The following ADGRL3 variants were observed in gnomAD, a reference collection of about 807,000 sequenced individuals.
ADGRL3 encodes calcium-independent alpha-latrotoxin receptor 3.
A neutral mutation model predicts 153.5 loss-of-function variants in ADGRL3; 62 were observed. The observed-to-expected ratio is 0.40, with a 90% CI of 0.33 to 0.50. The LOEUF is 0.50. ADGRL3 is among the 20% of genes least tolerant of loss of function. ADGRL3 has a pLI of 0.47. For missense variants in ADGRL3, 1,641 were observed against 1,859.4 expected (o/e 0.88, Z 2.16); for synonymous variants, 710 against 672.5 (o/e 1.06, Z -0.86).
intron 1 of ADGRL3, among the ~76,000 whole-genome samples, chr4:61,330,814 C>T (rs903693020): frequency 3.9e-5 from 6 of 152,016 alleles, no homozygotes; most frequent in Non-Finnish European, 2.9e-5. Flanking sequence ...GCTGATTGGC[C>T]CATTTTACAG....
chr4:62,030,874 G>T (rs1329009148), intron 22 of ADGRL3, among the ~76,000 whole-genome samples: 1 of 151,362 alleles, frequency 6.6e-6, no homozygotes, highest in Non-Finnish European at 1.5e-5. Context: ...TATCCCTCAC[G>T]CTTAGTCTTT....
At chr4:61,874,964 G>A (rs1214254727) in intron 9 of ADGRL3, among the ~76,000 whole-genome samples, 2 of 150,534 alleles carry the variant, frequency 1.3e-5, no homozygotes, top group East Asian at 2.0e-4. Context: ...GCCCACCACC[G>A]CGCCCGGCTA....
In ADGRL3 at chr4:61,992,479, G is replaced by T. The variant is rs140109682; in HGVS notation, c.3237-3812G>T. Among the ~76,000 whole-genome samples the T allele has an allele frequency of 1.2e-4, 18 of 152,280 alleles. No individual in the cohort carries two copies. The East Asian group carries it at 2.1e-3, about 18-fold the overall frequency. On this transcript the variant is annotated intron_variant, in intron 19 of 26. Transcript: ENST00000683033. ...TTTTTAAGGTAGTTAATAGGAAGAG[G>T]AGGAAATACAGAAGGCTTTGAGAAA...
chr4:61,527,232 G>T (rs2098570620), intron 4 of ADGRL3, among the ~76,000 whole-genome samples: 2 of 151,800 alleles, frequency 1.3e-5, no homozygotes, highest in African/African-American at 4.8e-5. Flanking sequence ...ATACCATTCT[G>T]TCCATCTAAT....
intron 1 of ADGRL3, among the ~76,000 whole-genome samples, chr4:61,375,711 A>C (rs917007284): frequency 2.6e-5 from 4 of 152,188 alleles, no homozygotes; most frequent in Non-Finnish European, 5.9e-5. Context: ...TGAATTAATT[A>C]ATATGCAATC....
chr4:61,289,387 A>G (rs1034849198), intron 1 of ADGRL3, among the ~76,000 whole-genome samples: 4 of 152,046 alleles, frequency 2.6e-5, no homozygotes, highest in Non-Finnish European at 4.4e-5. Flanking sequence ...AATTCTACCA[A>G]ACATAAATAA....
At chr4:61,402,738 C>G (rs11945614) in intron 2 of ADGRL3, among the ~76,000 whole-genome samples, 45,237 of 151,914 alleles carry the variant, frequency 0.3, 6,889 homozygotes, top group Middle Eastern at 0.38. Flanking sequence ...AGGCTGGCAA[C>G]TGCCAGAAAG....
At chr4:61,366,270 A>G (rs1048189198) in intron 1 of ADGRL3, among the ~76,000 whole-genome samples, 1 of 152,220 alleles carries the variant, frequency 6.6e-6, no homozygotes, top group South Asian at 2.1e-4. Context: ...TGGAACATTT[A>G]AGTGGCAGTA....
chr4:61,760,360 G>T (rs1337295965), intron 8 of ADGRL3, among the ~76,000 whole-genome samples: 1 of 152,030 alleles, frequency 6.6e-6, no homozygotes, highest in Non-Finnish European at 1.5e-5. Context: ...GGCAATGGCG[G>T]GCGCCCCTCC....
chr4:61,290,519 CTG>C, intron 1 of ADGRL3, among the ~76,000 whole-genome samples: 1 of 151,914 alleles, frequency 6.6e-6, no homozygotes, highest in African/African-American at 2.4e-5. Context: ...TGGCTTATGC[CTG>C]TAATCTCAGC....
chr4:62,049,050 C>A (rs2151735532), intron 25 of ADGRL3, among the ~76,000 whole-genome samples: 1 of 152,082 alleles, frequency 6.6e-6, no homozygotes, highest in Non-Finnish European at 1.5e-5. Flanking sequence ...GGCTTTATGT[C>A]ATCACAAATA....
At chr4:61,545,531 C>T (rs111750938) in intron 4 of ADGRL3, among the ~76,000 whole-genome samples, 20 of 152,282 alleles carry the variant, frequency 1.3e-4, no homozygotes, top group African/African-American at 4.6e-4. Flanking sequence ...CCTGTCTCTC[C>T]TTCTCTGAGT....
Position 61,400,233 on chromosome 4 carries a change from T to C in ADGRL3, c.-174+17044T>C, listed in dbSNP as rs190425089. On this transcript the variant is annotated intron_variant, in intron 2 of 26. Coordinates refer to ENST00000683033, the MANE Select transcript of ADGRL3 (RefSeq NM_001387552.1). ...TATATTGAAGAAACAAGTGTAGTAA[T>C]TATAGAAATGAATATAAATATTACC... is the stretch of plus-strand genomic sequence containing the variant. Among the ~76,000 whole-genome samples the C allele has an allele frequency of 2.2e-3, 333 of 151,892 alleles. 4 individuals are homozygous for C. Among genetic ancestry groups the C allele is most frequent in the African/African-American group, 7.7e-3 (319 of 41,532 alleles).
chr4:61,630,772 C>T (rs142979172), intron 5 of ADGRL3, among the ~76,000 whole-genome samples: 3 of 152,254 alleles, frequency 2.0e-5, no homozygotes, highest in Non-Finnish European at 2.9e-5. Context: ...CATATGGAGC[C>T]GTTTTATGGA....
At chr4:61,939,296 T>G (rs888415618) in intron 15 of ADGRL3, among the ~76,000 whole-genome samples, 4 of 152,154 alleles carry the variant, frequency 2.6e-5, no homozygotes, top group African/African-American at 7.2e-5. Context: ...AGCATTTAGC[T>G]TGGGAATTTG....
At chr4:61,568,951 A>G (rs2098827522) in intron 4 of ADGRL3, among the ~76,000 whole-genome samples, 1 of 152,150 alleles carries the variant, frequency 6.6e-6, no homozygotes, top group Non-Finnish European at 1.5e-5. Context: ...TGCATAATGA[A>G]GTCAGTTTAA....
chr4:61,468,516 A>T (rs2097910577), intron 2 of ADGRL3, among the ~76,000 whole-genome samples: 1 of 152,142 alleles, frequency 6.6e-6, no homozygotes, highest in Non-Finnish European at 1.5e-5. Context: ...TAGAGTTTAG[A>T]TAAGATTTCA....
At chr4:62,005,997 CACACACATAT>C (rs1213849329) in intron 21 of ADGRL3, among the ~76,000 whole-genome samples, 3 of 88,530 alleles carry the variant, frequency 3.4e-5, no homozygotes, top group African/African-American at 8.5e-5. Flanking sequence ...CACACACACA[CACACACATAT>C]ATATATATAT....
At chr4:61,993,808 C>T (rs1419015048) in intron 19 of ADGRL3, among the ~76,000 whole-genome samples, 1 of 151,888 alleles carries the variant, frequency 6.6e-6, no homozygotes, top group Non-Finnish European at 1.5e-5. Flanking sequence ...AGAATGAAGA[C>T]AATGTTCATA....
Sources: gnomAD v4.1 joint callset for allele counts (sites outside exome capture counted in the v4.1 genomes callset) on GRCh38, gnomAD v4.1.1 for gene constraint, MANE v1.5 for transcripts, NCBI Gene and HGNC (gene_info 2026-07-23, HGNC 2026-07-21) for gene names.